Variants in NBDY observed in about 807,000 individuals in gnomAD.
NBDY encodes P-body dissociating protein.
chrX:56,794,723 C>T (rs1461283154), intron 2 of NBDY, among the ~76,000 whole-genome samples: 1 of 112,228 alleles, frequency 8.9e-6, no homozygotes, highest in Non-Finnish European at 1.9e-5. Flanking sequence ...CTCTATGAAT[C>T]TGCACAGGTC....
At chrX:56,737,262 C>T in intron 2 of NBDY, 2 of 1,056,671 alleles carry the variant, frequency 1.9e-6, no homozygotes, top group Non-Finnish European at 2.6e-6. Flanking sequence ...GCCCATTCTT[C>T]TCTTTCTTTT....
At chrX:56,781,119 T>C (rs1001617056) in intron 2 of NBDY, among the ~76,000 whole-genome samples, 5 of 111,625 alleles carry the variant, frequency 4.5e-5, no homozygotes, top group Admixed American at 1.9e-4. Context: ...CAGAGGTTCT[T>C]GTTTTTACCT....
intron 2 of NBDY, among the ~76,000 whole-genome samples, chrX:56,732,436 AACT>A (rs1488462525): frequency 8.9e-6 from 1 of 111,953 alleles, no homozygotes; most frequent in African/African-American, 3.2e-5. Flanking sequence ...TCATCTTTTT[AACT>A]ACATTTTCTA....
chrX:56,793,915 G>T (rs1166240281), intron 2 of NBDY, among the ~76,000 whole-genome samples: 9 of 112,156 alleles, frequency 8.0e-5, no homozygotes, highest in Non-Finnish European at 1.7e-4. Flanking sequence ...CCTCCCGGGA[G>T]GGTAGGGGCT....
intron 2 of NBDY, among the ~76,000 whole-genome samples, chrX:56,746,255 G>A (rs2069557564): frequency 9.1e-6 from 1 of 109,488 alleles, no homozygotes; most frequent in Non-Finnish European, 1.9e-5. Flanking sequence ...CCTATGACTT[G>A]GTCACTTTTC....
chrX:56,807,211 C>T (rs955683165), intron 2 of NBDY, among the ~76,000 whole-genome samples: 1 of 112,156 alleles, frequency 8.9e-6, no homozygotes, highest in Non-Finnish European at 1.9e-5. Flanking sequence ...GTTTTGGTTA[C>T]TGTAGCCTTG....
intron 2 of NBDY, among the ~76,000 whole-genome samples, chrX:56,736,758 G>A (rs1330190735): frequency 8.9e-6 from 1 of 111,942 alleles, no homozygotes; most frequent in Non-Finnish European, 1.9e-5. Flanking sequence ...CTACATGTTA[G>A]CACAGGAGTA....
chrX:56,767,590 C>T (rs1161753956), intron 2 of NBDY, among the ~76,000 whole-genome samples: 1 of 113,473 alleles, frequency 8.8e-6, no homozygotes, highest in Admixed American at 9.2e-5. Flanking sequence ...CTCCGAGCAG[C>T]CAGTTGGACC....
intron 2 of NBDY, among the ~76,000 whole-genome samples, chrX:56,807,723 G>A (rs935913813): frequency 4.5e-5 from 5 of 111,938 alleles, no homozygotes; most frequent in Admixed American, 9.5e-5. Context: ...GGGCTGAGAC[G>A]ATGGGGTTTT....
At chrX:56,791,905 T>G (rs1267551918) in intron 2 of NBDY, among the ~76,000 whole-genome samples, 1 of 110,828 alleles carries the variant, frequency 9.0e-6, no homozygotes, top group African/African-American at 3.3e-5. Flanking sequence ...GTTGTTGTTC[T>G]TCTTCTTCTT....
At chrX:56,797,427 CCTT>C (rs1277283111) in intron 2 of NBDY, among the ~76,000 whole-genome samples, 1 of 108,692 alleles carries the variant, frequency 9.2e-6, no homozygotes, top group African/African-American at 3.4e-5. Flanking sequence ...TGGGGAATGT[CCTT>C]CTGCAGCTCT....
intron 2 of NBDY, among the ~76,000 whole-genome samples, chrX:56,791,100 A>T (rs1252678902): frequency 8.9e-6 from 1 of 112,267 alleles, no homozygotes; most frequent in Non-Finnish European, 1.9e-5. Context: ...GTTTGCTCTC[A>T]ACCTCATTGC....
At chrX:56,798,620 A>C in intron 2 of NBDY, among the ~76,000 whole-genome samples, 1 of 112,148 alleles carries the variant, frequency 8.9e-6, no homozygotes, top group East Asian at 2.8e-4. Context: ...AGTGACCAGC[A>C]CCTTGTCTTG....
chrX:56,792,210 A>T (rs1290303692), intron 2 of NBDY, among the ~76,000 whole-genome samples: 2 of 110,982 alleles, frequency 1.8e-5, no homozygotes, highest in Non-Finnish European at 3.8e-5. Flanking sequence ...AAAGCTGCCC[A>T]CATGTTATAT....
chrX:56,793,921 G>A (rs1042132061), intron 2 of NBDY, among the ~76,000 whole-genome samples: 1 of 111,966 alleles, frequency 8.9e-6, no homozygotes, highest in East Asian at 2.8e-4. Context: ...GGGAGGGTAG[G>A]GGCTCCCTGT....
At chrX:56,741,597 C>T (rs753765244) in intron 2 of NBDY, among the ~76,000 whole-genome samples, 1 of 111,811 alleles carries the variant, frequency 8.9e-6, no homozygotes, top group African/African-American at 3.2e-5. Flanking sequence ...TGATCAACTA[C>T]AATGAGTACT....
At chrX:56,794,316 C>T (rs376511564) in intron 2 of NBDY, among the ~76,000 whole-genome samples, 4 of 112,101 alleles carry the variant, frequency 3.6e-5, no homozygotes, top group South Asian at 7.5e-4. Context: ...GATGGCACTG[C>T]GACTCCACAA....
intron 2 of NBDY, among the ~76,000 whole-genome samples, chrX:56,805,069 G>A (rs904042267): frequency 8.9e-6 from 1 of 112,098 alleles, no homozygotes; most frequent in Non-Finnish European, 1.9e-5. Flanking sequence ...CTACTCTCAC[G>A]AACGTCAGTT....
At chrX:56,804,932 A>C (rs1361443102) in intron 2 of NBDY, among the ~76,000 whole-genome samples, 2 of 112,079 alleles carry the variant, frequency 1.8e-5, no homozygotes, top group Non-Finnish European at 3.8e-5. Context: ...GAATATTGCA[A>C]ATGTTTTCTT....
Sources: allele counts gnomAD v4.1 joint callset (sites outside exome capture counted in the v4.1 genomes callset), GRCh38; gene constraint gnomAD v4.1.1; transcripts MANE v1.5; gene names NCBI Gene and HGNC (gene_info 2026-07-23, HGNC 2026-07-21).